Variants in RGS7 observed in about 807,000 individuals in gnomAD.
RGS7 encodes the protein regulator of G protein signaling 7.
Under a neutral mutation model 81.1 loss-of-function variants are expected in RGS7, and 27 were observed. The observed-to-expected ratio is 0.33, with a 90% CI of 0.25 to 0.46. The LOEUF is 0.46. RGS7 is among the 20% of genes least tolerant of loss of function. RGS7 has a pLI of 1.00. For synonymous variants in RGS7, 208 were observed against 207.7 expected (o/e 1.00, Z -0.01); for missense variants, 396 against 607.4 (o/e 0.65, Z 3.66).
At chr1:241,065,462 C>T (rs911138740) in intron 3 of RGS7, among the ~76,000 whole-genome samples, 3 of 151,970 alleles carry the variant, frequency 2.0e-5, no homozygotes, top group Non-Finnish European at 4.4e-5. Flanking sequence ...AAATGCTCTT[C>T]TTAAGACATT....
intron 2 of RGS7, among the ~76,000 whole-genome samples, chr1:241,286,819 A>G (rs907754966): frequency 2.0e-5 from 3 of 152,132 alleles, no homozygotes; most frequent in African/African-American, 7.2e-5. Flanking sequence ...CCCCATAAAC[A>G]TGCCACTTGC....
At chr1:241,024,424 G>C (rs1322496583) in intron 3 of RGS7, among the ~76,000 whole-genome samples, 1 of 152,198 alleles carries the variant, frequency 6.6e-6, no homozygotes, top group Non-Finnish European at 1.5e-5. Context: ...GGAAGTACAA[G>C]TGTTCTCATT....
intron 2 of RGS7, among the ~76,000 whole-genome samples, chr1:241,157,742 ATAT>A (rs2069278437): frequency 6.6e-6 from 1 of 152,208 alleles, no homozygotes; most frequent in Non-Finnish European, 1.5e-5. Flanking sequence ...AAAAAGCATA[ATAT>A]TTCATAATAT....
chr1:240,860,989 A>G (rs1662099064), intron 9 of RGS7, among the ~76,000 whole-genome samples: 1 of 152,120 alleles, frequency 6.6e-6, no homozygotes, highest in Non-Finnish European at 1.5e-5. Context: ...CATTTTCTCA[A>G]CTACTCAGAC....
chr1:240,895,327 G>T (rs190791972), intron 6 of RGS7, among the ~76,000 whole-genome samples: 19,390 of 151,364 alleles, frequency 0.13, 1,347 homozygotes, highest in Middle Eastern at 0.17. Flanking sequence ...CTAGGGTACA[G>T]GTGCACAATG....
At chr1:241,037,850 G>C (rs2060413630) in intron 3 of RGS7, among the ~76,000 whole-genome samples, 1 of 152,130 alleles carries the variant, frequency 6.6e-6, no homozygotes, top group South Asian at 2.1e-4. Context: ...ATTATTTTAA[G>C]TGAAGTAACT....
chr1:241,005,767 C>T (rs894211294), intron 3 of RGS7, among the ~76,000 whole-genome samples: 1 of 152,130 alleles, frequency 6.6e-6, no homozygotes, highest in African/African-American at 2.4e-5. Flanking sequence ...AAACTCCTGA[C>T]CTCGTGATCC....
intron 6 of RGS7, chr1:240,920,477 G>T: frequency 2.1e-6 from 2 of 975,366 alleles, no homozygotes; most frequent in Non-Finnish European, 3.3e-6. Context: ...TTGGACCCAT[G>T]AAGCGAGGAA....
chr1:240,778,746 A>G (rs1054507636), intron 18 of RGS7, among the ~76,000 whole-genome samples: 1 of 151,982 alleles, frequency 6.6e-6, no homozygotes, highest in Non-Finnish European at 1.5e-5. Flanking sequence ...GTTGGCCAGG[A>G]TGGTCTCGAT....
intron 2 of RGS7, among the ~76,000 whole-genome samples, chr1:241,169,407 G>A (rs989061988): frequency 5.4e-5 from 7 of 129,662 alleles, no homozygotes; most frequent in Non-Finnish European, 7.7e-5. Context: ...GCAGTGGCGC[G>A]ATCTTGGGTC....
chr1:241,318,700 TC>T (rs1333617572), intron 2 of RGS7, among the ~76,000 whole-genome samples: 1 of 152,184 alleles, frequency 6.6e-6, no homozygotes, highest in Non-Finnish European at 1.5e-5. Flanking sequence ...GGTCTCGAAC[TC>T]CCGACCTCAG....
At chr1:241,283,407 G>C (rs966708038) in intron 2 of RGS7, among the ~76,000 whole-genome samples, 1 of 152,068 alleles carries the variant, frequency 6.6e-6, no homozygotes, top group Non-Finnish European at 1.5e-5. Context: ...TAATATTTTT[G>C]CTGGATATAG....
intron 6 of RGS7, among the ~76,000 whole-genome samples, chr1:240,916,488 G>T (rs1468407105): frequency 6.6e-6 from 1 of 152,140 alleles, no homozygotes; most frequent in Non-Finnish European, 1.5e-5. Flanking sequence ...ATGTCCTCCT[G>T]TTCCCCCAGC....
chr1:241,108,283 A>G (rs1425559839), intron 2 of RGS7, among the ~76,000 whole-genome samples: 56 of 146,738 alleles, frequency 3.8e-4, no homozygotes, highest in African/African-American at 1.4e-3. Context: ...AGCCAGGGCG[A>G]CAGAGCGAGA....
chr1:240,851,655 C>G (rs534180203), intron 9 of RGS7, among the ~76,000 whole-genome samples: 7 of 152,152 alleles, frequency 4.6e-5, no homozygotes, highest in Non-Finnish European at 8.8e-5. Flanking sequence ...AAGGGGTCAT[C>G]ATTCTAGATA....
At chr1:241,342,704 G>A (rs774126926) in intron 2 of RGS7, among the ~76,000 whole-genome samples, 57 of 152,288 alleles carry the variant, frequency 3.7e-4, no homozygotes, top group African/African-American at 8.4e-4. Flanking sequence ...CGGACAATCC[G>A]ACCTGCCTTT....
chr1:240,832,940 C>A (rs1694094134), intron 9 of RGS7, among the ~76,000 whole-genome samples: 1 of 152,074 alleles, frequency 6.6e-6, no homozygotes. Context: ...AAAAGAGATG[C>A]CTGAAACCAC....
chr1:241,181,280 A>G (rs971672349), intron 2 of RGS7, among the ~76,000 whole-genome samples: 4 of 152,174 alleles, frequency 2.6e-5, no homozygotes, highest in African/African-American at 9.7e-5. Context: ...GTATGTTGCT[A>G]ATGGGGGAGA....
At chr1:241,047,980 C>G (rs913453181) in intron 3 of RGS7, among the ~76,000 whole-genome samples, 24 of 151,950 alleles carry the variant, frequency 1.6e-4, no homozygotes, top group African/African-American at 5.8e-4. Context: ...CCTCAGGCAA[C>G]CCACCTGCCC....
Sources: allele counts gnomAD v4.1 joint callset (sites outside exome capture counted in the v4.1 genomes callset), GRCh38; gene constraint gnomAD v4.1.1; transcripts MANE v1.5; gene names NCBI Gene and HGNC (gene_info 2026-07-23, HGNC 2026-07-21).